Variants in TSPAN14 observed in about 807,000 individuals in gnomAD.
The protein encoded by TSPAN14 is tetraspanin 14.
A neutral mutation model predicts 36.6 loss-of-function variants in TSPAN14; 16 were observed. The ratio of observed to expected loss-of-function variants is 0.44; its 90% CI spans 0.30 to 0.66. The LOEUF is 0.66. Among genes scored for constraint, TSPAN14 ranks in the 30% least tolerant of loss-of-function variants. The probability of loss-of-function intolerance (pLI) is 0.12; values close to 1 mark genes in which losing one functional copy is unlikely to be tolerated. For synonymous variants in TSPAN14, 139 were observed against 143.8 expected (o/e 0.97, Z 0.24); for missense variants, 231 against 355.1 (o/e 0.65, Z 2.81).
chr10:80,470,866 A>C (rs1000022393), intron 1 of TSPAN14, among the ~76,000 whole-genome samples: 2 of 151,984 alleles, frequency 1.3e-5, no homozygotes, highest in Non-Finnish European at 2.9e-5. Flanking sequence ...GGATGCACTG[A>C]AGGCTCTGTT....
At chr10:80,513,010 A>G (rs1256671131) in intron 6 of TSPAN14, among the ~76,000 whole-genome samples, 1 of 152,038 alleles carries the variant, frequency 6.6e-6, no homozygotes, top group East Asian at 1.9e-4. Context: ...GCAATTCTCC[A>G]GCCTCAACCT....
At chr10:80,480,064 GGGAGTTCACTCATGATTT>G (rs1847163507) in intron 1 of TSPAN14, among the ~76,000 whole-genome samples, 1 of 149,254 alleles carries the variant, frequency 6.7e-6, no homozygotes, top group Non-Finnish European at 1.5e-5. Flanking sequence ...AATTGTGAAT[GGGAGTTCACTCATGATTT>G]GGCTCTCTGT....
intron 7 of TSPAN14, chr10:80,515,759 T>C (rs1244295293): frequency 6.0e-6 from 1 of 166,388 alleles, no homozygotes; most frequent in South Asian, 1.5e-4. Flanking sequence ...CTGCTGGCTC[T>C]GTCTCCTGGA....
intron 1 of TSPAN14, among the ~76,000 whole-genome samples, chr10:80,484,293 T>A (rs1847473851): frequency 6.6e-6 from 1 of 152,076 alleles, no homozygotes; most frequent in African/African-American, 2.4e-5. Context: ...AAGTTTTATT[T>A]CTAGTGACAT....
exon 9 of TSPAN14, chr10:80,521,935 C>T (rs1367260894): frequency 1.3e-5 from 2 of 150,428 alleles, no homozygotes; most frequent in Non-Finnish European, 3.0e-5. Flanking sequence ...AAAAAAGGCC[C>T]GTTCATTCTC....
chr10:80,489,623 A>G (rs7084745), intron 2 of TSPAN14, among the ~76,000 whole-genome samples: 28 of 152,348 alleles, frequency 1.8e-4, no homozygotes, highest in African/African-American at 6.3e-4. Context: ...GAGTGCCCCA[A>G]TGAGACATCA....
intron 1 of TSPAN14, among the ~76,000 whole-genome samples, chr10:80,482,484 C>T (rs1326594100): frequency 6.7e-6 from 1 of 150,174 alleles, no homozygotes; most frequent in Non-Finnish European, 1.5e-5. Flanking sequence ...GACGGGGTTT[C>T]GCCATGTTGA....
At chr10:80,454,686 C>G (rs1032169748) in intron 1 of TSPAN14, among the ~76,000 whole-genome samples, 1 of 152,154 alleles carries the variant, frequency 6.6e-6, no homozygotes, top group Non-Finnish European at 1.5e-5. Context: ...TCAGCGCGCC[C>G]CGGCGAGTGC....
rs1847143948 is a variant in TSPAN14 at position 80,479,756 on chromosome 10, G to C, written c.-17-9461G>C. On this transcript the variant is annotated intron_variant, in intron 1 of 8. Transcript: ENST00000429989. ...CCTCCAGCTTTGTTCTTTTGGCTTA[G>C]GATTGACTTGGCGATGCGGGCTCTT... is the stretch of plus-strand genomic sequence containing the variant. 5.3e-5 allele frequency among the ~76,000 whole-genome samples: 8 copies of C among 151,610 alleles called. No individual in the cohort carries two copies. In the South Asian group the frequency reaches 1.7e-3, roughly 32 times the overall value.
At chr10:80,462,358 A>ATGGGATGGTGTGGGG (rs1564708043) in intron 1 of TSPAN14, among the ~76,000 whole-genome samples, 1 of 77,586 alleles carries the variant, frequency 1.3e-5, no homozygotes, top group African/African-American at 4.1e-5. Flanking sequence ...ATGGGGTGGG[A>ATGGGATGGTGTGGGG]TGGGATGGGA....
intron 2 of TSPAN14, among the ~76,000 whole-genome samples, chr10:80,501,158 C>A (rs762460786): frequency 6.6e-6 from 1 of 151,602 alleles, no homozygotes; most frequent in Non-Finnish European, 1.5e-5. Context: ...CTGTTACCAC[C>A]CAGGCTGGAG....
intron 3 of TSPAN14, 109 bp downstream of exon 3, chr10:80,504,887 C>T (rs1229026740): frequency 1.7e-6 from 2 of 1,194,038 alleles, no homozygotes; most frequent in Non-Finnish European, 1.2e-6. Flanking sequence ...ATTTCTTGTG[C>T]AGTGTCAAGG....
intron 1 of TSPAN14, among the ~76,000 whole-genome samples, chr10:80,473,710 G>GTT (rs555107223): frequency 2.1e-5 from 3 of 140,258 alleles, no homozygotes; most frequent in Admixed American, 7.1e-5. Context: ...TTAAATTAAA[G>GTT]TTTTTTTTTT....
intron 3 of TSPAN14, among the ~76,000 whole-genome samples, chr10:80,505,649 C>T (rs1366161152): frequency 6.6e-6 from 1 of 152,200 alleles, no homozygotes; most frequent in Non-Finnish European, 1.5e-5. Context: ...GGGCACCTTC[C>T]AAGTGGCCTG....
chr10:80,458,701 C>T (rs150364601), intron 1 of TSPAN14, among the ~76,000 whole-genome samples: 88 of 152,260 alleles, frequency 5.8e-4, no homozygotes, highest in African/African-American at 2.0e-3. Context: ...TAGTAGTGTC[C>T]TCTGTAACTG....
At chr10:80,466,265 A>AT (rs999249354) in intron 1 of TSPAN14, among the ~76,000 whole-genome samples, 1 of 151,930 alleles carries the variant, frequency 6.6e-6, no homozygotes, top group Non-Finnish European at 1.5e-5. Context: ...ATTTTATTTT[A>AT]TTTTTTGACA....
intron 5 of TSPAN14, among the ~76,000 whole-genome samples, chr10:80,511,414 T>C (rs1840611204): frequency 6.6e-6 from 1 of 152,134 alleles, no homozygotes; most frequent in Non-Finnish European, 1.5e-5. Context: ...CTAGGAAGTG[T>C]TCTCTTGTGG....
chr10:80,491,024 A>G (rs1231035115), intron 2 of TSPAN14, among the ~76,000 whole-genome samples: 1 of 152,112 alleles, frequency 6.6e-6, no homozygotes, highest in Non-Finnish European at 1.5e-5. Context: ...ACTCTTGAAA[A>G]CAAGGCAGAC....
intron 1 of TSPAN14, among the ~76,000 whole-genome samples, chr10:80,481,378 T>C (rs1186579262): frequency 6.6e-6 from 1 of 152,130 alleles, no homozygotes; most frequent in East Asian, 1.9e-4. Context: ...AAATTTTCGG[T>C]TAAATATTGA....
Sources: gnomAD v4.1 joint callset for allele counts (sites outside exome capture counted in the v4.1 genomes callset) on GRCh38, gnomAD v4.1.1 for gene constraint, MANE v1.5 for transcripts, NCBI Gene and HGNC (gene_info 2026-07-23, HGNC 2026-07-21) for gene names.